The following STOML3 variants were observed in gnomAD, a reference collection of about 807,000 sequenced individuals.
STOML3 encodes stomatin like 3.
Under a neutral mutation model 29.5 loss-of-function variants are expected in STOML3, and 31 were observed. The ratio of observed to expected loss-of-function variants is 1.05; its 90% CI spans 0.79 to 1.42. The LOEUF (loss-of-function observed/expected upper bound fraction) is 1.42, where lower values mean the gene tolerates loss of function less well. Among genes scored for constraint, STOML3 ranks in the 40% most tolerant of loss-of-function variants. The pLI is 0.00. For synonymous variants in STOML3, 122 were observed against 139.8 expected (o/e 0.87, Z 0.90); for missense variants, 380 against 363.0 (o/e 1.05, Z -0.38).
chr13:38,981,583 A>T (rs933946290), intron 1 of STOML3, among the ~76,000 whole-genome samples: 30 of 152,196 alleles, frequency 2.0e-4, no homozygotes, highest in African/African-American at 7.0e-4. Flanking sequence ...TTTTATCACA[A>T]ATCTGTGTTA....
intron 1 of STOML3, among the ~76,000 whole-genome samples, chr13:38,988,856 A>G (rs1451460901): frequency 7.0e-6 from 1 of 143,522 alleles, no homozygotes; most frequent in Admixed American, 7.4e-5. Flanking sequence ...TATATATTAT[A>G]TATGCTGTAT....
intron 4 of STOML3, among the ~76,000 whole-genome samples, 171 bp from the exon 5 acceptor site, chr13:38,970,559 C>G (rs186790465): frequency 2.0e-5 from 3 of 152,162 alleles, no homozygotes; most frequent in Admixed American, 1.3e-4. Flanking sequence ...CCAGCTGATA[C>G]GCAATTCCTC....
At chr13:38,975,339 A>AG in intron 3 of STOML3, among the ~76,000 whole-genome samples, 1 of 150,702 alleles carries the variant, frequency 6.6e-6, no homozygotes, top group African/African-American at 2.5e-5. Flanking sequence ...AAAAAGAAAA[A>AG]CAAAAAAAAG....
chr13:38,981,008 T>C (rs1420472006), intron 1 of STOML3, among the ~76,000 whole-genome samples: 1 of 152,118 alleles, frequency 6.6e-6, no homozygotes, highest in Non-Finnish European at 1.5e-5. Context: ...TACCTTCCTT[T>C]CAATCTGCAA....
intron 1 of STOML3, among the ~76,000 whole-genome samples, chr13:38,982,889 C>T (rs569304297): frequency 2.0e-5 from 3 of 152,110 alleles, no homozygotes; most frequent in African/African-American, 7.3e-5. Flanking sequence ...CACAAATGCA[C>T]ATCTAATTGT....
At chr13:38,982,131 GATA>G (rs1881285980) in intron 1 of STOML3, among the ~76,000 whole-genome samples, 1 of 151,988 alleles carries the variant, frequency 6.6e-6, no homozygotes, top group African/African-American at 2.4e-5. Flanking sequence ...GAATCTCAGA[GATA>G]TAATAGTGGG....
Position 38,977,696 on chromosome 13 carries a change from C to G in STOML3, c.53-899G>C, listed in dbSNP as rs374602123. On this transcript the variant is annotated intron_variant, in intron 1 of 6. Coordinates refer to ENST00000379631, the MANE Select transcript of STOML3 (RefSeq NM_145286.3). ...CTGAGTTAAAATCCTACTTCAGCCA[C>G]CTAAAACTCTGTAGCTTTACTTACA... Among the ~76,000 whole-genome samples, 10 of 151,420 alleles carry G rather than the reference C, an allele frequency of 6.6e-5. No homozygotes were observed. In the South Asian group the frequency reaches 2.1e-3, roughly 32 times the overall value.
chr13:38,988,210 A>G (rs1212786807), intron 1 of STOML3, among the ~76,000 whole-genome samples: 1 of 78,540 alleles, frequency 1.3e-5, no homozygotes. Flanking sequence ...TTCATATAAA[A>G]TATATGATAT....
At chr13:38,985,238 A>G (rs1263286474) in intron 1 of STOML3, among the ~76,000 whole-genome samples, 1 of 152,158 alleles carries the variant, frequency 6.6e-6, no homozygotes, top group Non-Finnish European at 1.5e-5. Flanking sequence ...AGCCTGGCCA[A>G]CATGGTGAAA....
At chr13:38,981,603 GTC>G (rs776560885) in intron 1 of STOML3, among the ~76,000 whole-genome samples, 3 of 152,052 alleles carry the variant, frequency 2.0e-5, no homozygotes, top group African/African-American at 4.8e-5. Context: ...ATCATAAATA[GTC>G]TCTTAGTTTC....
chr13:38,967,153 T>C, intron 6 of STOML3, 104 bp from the exon 7 acceptor site: 1 of 992,240 alleles, frequency 1.0e-6, no homozygotes, highest in East Asian at 2.6e-5. Context: ...AGCCCCCATG[T>C]TGCCACATGT....
intron 1 of STOML3, among the ~76,000 whole-genome samples, chr13:38,981,018 A>T (rs1881251732): frequency 6.6e-6 from 1 of 152,192 alleles, no homozygotes; most frequent in Admixed American, 6.5e-5. Flanking sequence ...TCAATCTGCA[A>T]AGAAAAAGGT....
At chr13:38,979,902 AG>A (rs1330202073) in intron 1 of STOML3, 1 of 746,796 alleles carries the variant, frequency 1.3e-6, no homozygotes. Context: ...GGCTATGACT[AG>A]CAGCACAGCA....
At chr13:38,978,178 G>C (rs1307767083) in intron 1 of STOML3, among the ~76,000 whole-genome samples, 4 of 151,526 alleles carry the variant, frequency 2.6e-5, no homozygotes, top group Non-Finnish European at 5.9e-5. Context: ...TTTTGAGACA[G>C]AGTCTCATTC....
chr13:38,988,242 A>G (rs1398892634), intron 1 of STOML3, among the ~76,000 whole-genome samples: 5 of 88,584 alleles, frequency 5.6e-5, no homozygotes, highest in Non-Finnish European at 7.4e-5. Flanking sequence ...TATTTTATAT[A>G]TAATATATTA....
chr13:38,967,248 G>C (rs547053003), intron 6 of STOML3, among the ~76,000 whole-genome samples, 199 bp from the exon 7 acceptor site: 2 of 152,152 alleles, frequency 1.3e-5, no homozygotes, highest in South Asian at 4.1e-4. Context: ...AGCAAGGAGG[G>C]ATATTGTACA....
chr13:38,967,582 A>G (rs7316997), intron 6 of STOML3, among the ~76,000 whole-genome samples: 33,816 of 152,144 alleles, frequency 0.22, 3,862 homozygotes, highest in Middle Eastern at 0.36. Flanking sequence ...TCTTAAGTAC[A>G]TCACTCTTTA....
intron 1 of STOML3, among the ~76,000 whole-genome samples, chr13:38,979,547 CT>C (rs1881203433): frequency 6.6e-6 from 1 of 152,158 alleles, no homozygotes; most frequent in African/African-American, 2.4e-5. Context: ...TGGCATTACA[CT>C]GTACCCACCT....
At chr13:38,978,920 G>C (rs1284545821) in intron 1 of STOML3, among the ~76,000 whole-genome samples, 1 of 152,166 alleles carries the variant, frequency 6.6e-6, no homozygotes, top group Non-Finnish European at 1.5e-5. Flanking sequence ...ATACAATTTT[G>C]ATAGATGATA....
Sources: gnomAD v4.1 joint callset for allele counts (sites outside exome capture counted in the v4.1 genomes callset) on GRCh38, gnomAD v4.1.1 for gene constraint, MANE v1.5 for transcripts, NCBI Gene and HGNC (gene_info 2026-07-23, HGNC 2026-07-21) for gene names.